Variants in KRCC1 observed in about 807,000 individuals in gnomAD.
KRCC1 encodes lysine-rich coiled-coil protein 1.
Under a neutral mutation model 7.4 loss-of-function variants are expected in KRCC1, and 3 were observed. That is an observed-to-expected ratio of 0.40 (90% CI 0.18 to 1.04). The LOEUF is 1.04. Ranked by LOEUF, KRCC1 falls within the 50% of genes least tolerant of loss-of-function variation. The pLI is 0.33. For missense variants in KRCC1, 277 were observed against 300.9 expected, an observed-to-expected ratio of 0.92 and a Z score of 0.59; for synonymous variants, 102 against 101.6, an observed-to-expected ratio of 1.00 and a Z score of -0.02.
intron 1 of KRCC1, among the ~76,000 whole-genome samples, chr2:88,043,065 A>C (rs1459375523): frequency 6.6e-6 from 1 of 152,164 alleles, no homozygotes; most frequent in Non-Finnish European, 1.5e-5. Context: ...TGTTTGTACT[A>C]CACTGAAGTC....
At chr2:88,029,201 A>AG (rs2104601837) in intron 3 of KRCC1, among the ~76,000 whole-genome samples, 1 of 152,286 alleles carries the variant, frequency 6.6e-6, no homozygotes, top group African/African-American at 2.4e-5. Context: ...GTGGATAGGA[A>AG]CCACACAACC....
Position 88,032,564 on chromosome 2 carries a change from G to A in KRCC1, c.-23+1570C>T, listed in dbSNP as rs551142686. 9.2e-5 allele frequency among the ~76,000 whole-genome samples: 14 copies of A among 152,236 alleles called. No individual in the cohort carries two copies. The South Asian group carries it at 1.9e-3, about 20-fold the overall frequency. ...ACATTTCTCAGAATGTATCCTGGTC[G>A]TTAACGGACACATGACTGGGTGTCT... On this transcript the variant is annotated intron_variant, in intron 3 of 3. Transcript: ENST00000347055.
Position 88,028,128 on chromosome 2 carries a change from T to A in KRCC1, c.436A>T (p.Thr146Ser). The change falls in exon 4 of 4, where the codon ACC (threonine) becomes TCC (serine). Residue 146 changes from threonine to serine, a missense_variant. Physicochemically the swap from Thr to Ser is moderately conservative, Grantham distance 58. Transcript: ENST00000347055. ...VYKHFSSDNS[T>S]STHQASHKQI... Reference sequence around the variant, plus strand: ...TTGTGACTGGCTTGATGAGTACTGGTACTGTTATCTGAGGAGAAGTGCTTG... The same window carrying A: ...TTGTGACTGGCTTGATGAGTACTGGAACTGTTATCTGAGGAGAAGTGCTTG... 1 of 1,614,152 alleles carries A rather than the reference T, an allele frequency of 6.2e-7. No homozygotes were observed.
rs142646092 is a variant in KRCC1 at position 88,028,418 on chromosome 2, T to C, written c.146A>G (p.Glu49Gly). The stretch of plus-strand genomic sequence containing the variant: ...TCTATACGTGGGTCTGGAATTAACC[T>C]CTCCTTTGTACCCACAGGTTTCCAA... The part of the protein sequence containing the change: ...DYLETCGYKG[E>G]VNSRPTYRMF... The change falls in exon 4 of 4, where the codon GAG becomes GGG. Residue 49 changes from glutamate (E) to glycine (G), a missense_variant. By Grantham distance (98) the Glu-to-Gly change is moderately conservative. Coordinates refer to ENST00000347055, the MANE Select transcript of KRCC1 (RefSeq NM_016618.3). 2.5e-6 allele frequency: 4 copies of C among 1,614,034 alleles called. No individual in the cohort carries two copies. The African/African-American group carries it at 5.3e-5, about 22-fold the overall frequency.
In KRCC1 at chr2:88,028,582, T is replaced by C. The variant is rs1371638338; in HGVS notation, c.-19A>G. On this transcript the variant is annotated 5_prime_UTR_variant, in exon 4 of 4. Coordinates refer to ENST00000347055, the MANE Select transcript of KRCC1 (RefSeq NM_016618.3). ...GCTTCATTAGGTTGACAAAACGGGATTTTCTGCAAAAAAGGGAGAAAATTC... is the reference window on the plus strand; with the variant it reads ...GCTTCATTAGGTTGACAAAACGGGACTTTCTGCAAAAAAGGGAGAAAATTC... The C allele has an allele frequency of 6.3e-7, 1 of 1,577,184 alleles. No individual in the cohort carries two copies. The highest frequency in any genetic ancestry group is 8.6e-7 in the Non-Finnish European group (1 of 1,164,216).
chr2:88,035,744 T>C (rs953265917), intron 2 of KRCC1, among the ~76,000 whole-genome samples: 19 of 152,206 alleles, frequency 1.2e-4, no homozygotes, highest in African/African-American at 4.1e-4. Context: ...CTACATTGAA[T>C]ATTACTTTAT....
chr2:88,047,388 A>G (rs745404319), intron 1 of KRCC1, among the ~76,000 whole-genome samples: 3 of 152,028 alleles, frequency 2.0e-5, no homozygotes, highest in Non-Finnish European at 4.4e-5. Context: ...TGCCTAATTT[A>G]ACTCTTGCAC....
intron 1 of KRCC1, among the ~76,000 whole-genome samples, chr2:88,054,634 T>C (rs150906643): frequency 6.6e-6 from 1 of 152,172 alleles, no homozygotes. Context: ...TCCCTGACTC[T>C]ACTTGAGCCC....
chr2:88,029,483 G>C (rs751674928), intron 3 of KRCC1, among the ~76,000 whole-genome samples: 1 of 152,134 alleles, frequency 6.6e-6, no homozygotes, highest in African/African-American at 2.4e-5. Context: ...TCAGGTATGA[G>C]GGAAGATGAA....
At chr2:88,041,684 T>A (rs1673213649) in intron 1 of KRCC1, among the ~76,000 whole-genome samples, 1 of 152,196 alleles carries the variant, frequency 6.6e-6, no homozygotes, top group South Asian at 2.1e-4. Context: ...GTAGAAATCT[T>A]TCCTCAGAAA....
chr2:88,033,419 G>A (rs982988127), intron 3 of KRCC1, among the ~76,000 whole-genome samples: 5 of 152,116 alleles, frequency 3.3e-5, no homozygotes, highest in South Asian at 2.1e-4. Flanking sequence ...CCAGCTACTT[G>A]GGAGGCTGAG....
chr2:88,055,505 G>A (rs913472380), intron 1 of KRCC1, 121 bp downstream of exon 1: 1 of 152,058 alleles, frequency 6.6e-6, no homozygotes, highest in African/African-American at 2.4e-5. Flanking sequence ...GCCGCGCCCT[G>A]GTCGGCCATT....
intron 1 of KRCC1, among the ~76,000 whole-genome samples, chr2:88,045,915 G>T (rs1673320631): frequency 6.6e-6 from 1 of 152,008 alleles, no homozygotes; most frequent in Non-Finnish European, 1.5e-5. Flanking sequence ...CCTGATTTCA[G>T]GTGACCCACC....
rs989599688 is a variant in KRCC1 at position 88,053,452 on chromosome 2, C to T, written c.-291+2174G>A. On this transcript the variant is annotated intron_variant, in intron 1 of 3. Coordinates refer to ENST00000347055, the MANE Select transcript of KRCC1 (RefSeq NM_016618.3). ...CCACGACAAGTTGTTTCCAAATCTTCCTGTGGTCTGGCCATGTGAGCCAAA... is the reference window on the plus strand; with the variant it reads ...CCACGACAAGTTGTTTCCAAATCTTTCTGTGGTCTGGCCATGTGAGCCAAA... Among the ~76,000 whole-genome samples the T allele has an allele frequency of 5.3e-5, 8 of 152,312 alleles. No individual in the cohort carries two copies. The South Asian group carries it at 1.7e-3, about 32-fold the overall frequency.
At chr2:88,033,586 G>C (rs572362977) in intron 3 of KRCC1, among the ~76,000 whole-genome samples, 49 of 152,254 alleles carry the variant, frequency 3.2e-4, no homozygotes, top group Admixed American at 5.2e-4. Context: ...TTGGGTGATG[G>C]ATACATGAAG....
intron 1 of KRCC1, among the ~76,000 whole-genome samples, chr2:88,051,527 C>A (rs1673487040): frequency 6.6e-6 from 1 of 152,170 alleles, no homozygotes; most frequent in Non-Finnish European, 1.5e-5. Flanking sequence ...TATATTGAGT[C>A]CTAGCCATGT....
At chr2:88,054,840 G>A (rs1430256141) in intron 1 of KRCC1, among the ~76,000 whole-genome samples, 1 of 152,180 alleles carries the variant, frequency 6.6e-6, no homozygotes, top group Admixed American at 6.5e-5. Context: ...GCGGTAGCTC[G>A]CGCCCGTAGT....
intron 1 of KRCC1, among the ~76,000 whole-genome samples, chr2:88,042,927 G>T (rs1396362616): frequency 6.6e-6 from 1 of 151,978 alleles, no homozygotes; most frequent in Non-Finnish European, 1.5e-5. Context: ...GCAATCTATG[G>T]GTTTAATTAG....
At chr2:88,038,035 G>A (rs553877710) in intron 1 of KRCC1, among the ~76,000 whole-genome samples, 1 of 152,262 alleles carries the variant, frequency 6.6e-6, no homozygotes, top group African/African-American at 2.4e-5. Context: ...AAATGGATGA[G>A]TTAGAATCAT....
Sources: allele counts gnomAD v4.1 joint callset (sites outside exome capture counted in the v4.1 genomes callset), GRCh38; gene constraint gnomAD v4.1.1; transcripts MANE v1.5; gene names NCBI Gene and HGNC (gene_info 2026-07-23, HGNC 2026-07-21).